The following STOX1 variants were observed in gnomAD, a reference collection of about 807,000 sequenced individuals.
STOX1 encodes the protein storkhead-box protein 1.
In STOX1, 57 loss-of-function variants were observed where a neutral mutation model predicts 74.8. The observed-to-expected ratio is 0.76, with a 90% CI of 0.62 to 0.95. STOX1 has a LOEUF of 0.95. Among genes scored for constraint, STOX1 ranks in the 40% least tolerant of loss-of-function variants. STOX1 has a pLI of 0.00. For synonymous variants in STOX1, 375 were observed against 401.3 expected, an observed-to-expected ratio of 0.93 and a Z score of 0.78; for missense variants, 1,010 against 1,117.0, an observed-to-expected ratio of 0.90 and a Z score of 1.37.
At chr10:68,858,141 G>A (rs553546892) in intron 1 of STOX1, among the ~76,000 whole-genome samples, 88 of 152,148 alleles carry the variant, frequency 5.8e-4, no homozygotes, top group African/African-American at 2.1e-3. Context: ...GATGGACCTC[G>A]CTTGTTCTGC....
At chr10:68,856,496 G>A (rs757257722) in intron 1 of STOX1, among the ~76,000 whole-genome samples, 8 of 152,060 alleles carry the variant, frequency 5.3e-5, no homozygotes, top group South Asian at 2.1e-4. Flanking sequence ...ACGTGGGCAC[G>A]AGGGTGCTAG....
intron 1 of STOX1, among the ~76,000 whole-genome samples, chr10:68,866,076 A>G (rs1384345325): frequency 1.3e-5 from 2 of 152,026 alleles, no homozygotes; most frequent in African/African-American, 4.8e-5. Flanking sequence ...CATTTCATGC[A>G]TCATAGATTG....
At chr10:68,828,554 A>G (rs1179150361) in intron 1 of STOX1, among the ~76,000 whole-genome samples, 1 of 152,226 alleles carries the variant, frequency 6.6e-6, no homozygotes, top group Admixed American at 6.5e-5. Context: ...TGGAGTGCAC[A>G]GAAGGAACTT....
intron 1 of STOX1, among the ~76,000 whole-genome samples, chr10:68,830,771 A>T (rs1839386650): frequency 6.6e-6 from 1 of 152,200 alleles, no homozygotes; most frequent in Non-Finnish European, 1.5e-5. Flanking sequence ...AAAGCCACCC[A>T]TTAGGACATT....
chr10:68,892,853 T>C lies in STOX1; in HGVS notation c.*117T>C. ...TGTCTAAAGGCAAGCATATCTATAC[T>C]ATTAACCACATTACACATTTTGTTC... On this transcript the variant is annotated 3_prime_UTR_variant, in exon 4 of 4. Transcript: ENST00000298596. The C allele has an allele frequency of 8.7e-7, 1 of 1,144,658 alleles. No homozygotes were observed. Among genetic ancestry groups the C allele is most frequent in the East Asian group, 2.5e-5 (1 of 39,286 alleles). The allele number at this position is 1,144,658 out of a possible 1,614,324, so 70.9% of individuals were successfully genotyped here.
rs1280870503 is a variant in STOX1, at chr10:68,886,013, G to T, written c.2217G>T (p.Glu739Asp). 1.9e-6 allele frequency: 3 copies of T among 1,614,068 alleles called. No homozygotes were observed. Among genetic ancestry groups the T allele is most frequent in the East Asian group, 2.2e-5 (1 of 44,902 alleles). ...DGACSSLYLE[E>D]DDISENDDLR... ...CCTGTAGTTCATTATATCTAGAGGA[G>T]GATGACATTTCTGAGAATGACGACT... The change falls in exon 3 of 4, where the codon GAG becomes GAT. Residue 739 changes from glutamate to aspartate, a missense_variant. Coordinates refer to ENST00000298596, the MANE Select transcript of STOX1 (RefSeq NM_152709.5).
At chr10:68,862,953 G>C (rs1345972372) in intron 1 of STOX1, among the ~76,000 whole-genome samples, 3 of 152,076 alleles carry the variant, frequency 2.0e-5, no homozygotes, top group African/African-American at 7.3e-5. Flanking sequence ...TGGTAAGTGT[G>C]GAGACCAGAA....
chr10:68,869,154 C>A (rs183890076), intron 1 of STOX1, among the ~76,000 whole-genome samples: 199 of 152,332 alleles, frequency 1.3e-3, no homozygotes, highest in African/African-American at 4.4e-3. Context: ...GCTTGGGACC[C>A]AGGAATACTG....
downstream of STOX1, among the ~76,000 whole-genome samples, chr10:68,893,458 C>T (rs1028615132): frequency 1.3e-5 from 2 of 152,192 alleles, no homozygotes; most frequent in African/African-American, 4.8e-5. Flanking sequence ...TGCTCTGTTG[C>T]CCAGGCTGGA....
At chr10:68,856,491 G>C (rs1156243211) in intron 1 of STOX1, among the ~76,000 whole-genome samples, 1 of 151,986 alleles carries the variant, frequency 6.6e-6, no homozygotes, top group Non-Finnish European at 1.5e-5. Flanking sequence ...CTCCCACGTG[G>C]GCACGAGGGT....
At position 68,827,711 on chromosome 10, in the gene STOX1, G is replaced by A. The variant is rs1839295625; in HGVS notation, c.88G>A (p.Glu30Lys). Residue 30 changes from glutamate (E) to lysine (K), a missense_variant, in exon 1 of 4, where the codon GAG becomes AAG. Transcript: ENST00000298596. ...EAQKAAGAAE[E>K]PGGRAVFRAF... ...GCAGAAGGCGGCGGGGGCCGCGGAG[G>A]AGCCTGGTGGGCGCGCGGTGTTCCG... The A allele has an allele frequency of 2.2e-6, 2 of 903,160 alleles. No homozygotes were observed. The highest frequency in any genetic ancestry group is 1.0e-4 in the South Asian group (2 of 19,252). 55.9% of individuals were successfully genotyped at this position (903,160 alleles called of 1,614,324 possible). A position where few individuals can be genotyped will look rare whatever the true frequency, so the allele number is the denominator to read the frequency against.
At chr10:68,874,392 A>G (rs1840625894) in intron 1 of STOX1, among the ~76,000 whole-genome samples, 1 of 152,172 alleles carries the variant, frequency 6.6e-6, no homozygotes, top group African/African-American at 2.4e-5. Context: ...TACTGACCCC[A>G]GACTTTTAAA....
intron 3 of STOX1, among the ~76,000 whole-genome samples, chr10:68,889,320 A>G (rs1841043576): frequency 6.6e-6 from 1 of 152,140 alleles, no homozygotes; most frequent in South Asian, 2.1e-4. Context: ...CTTTTGGCTA[A>G]GATCAAGTGT....
intron 1 of STOX1, 51 bp from the exon 2 acceptor site, chr10:68,881,907 T>G: frequency 6.2e-7 from 1 of 1,602,586 alleles, no homozygotes; most frequent in South Asian, 1.1e-5. Context: ...CATTTTATAC[T>G]ATATCAAATT....
At chr10:68,853,225 G>A (rs1467171038) in intron 1 of STOX1, among the ~76,000 whole-genome samples, 3 of 151,972 alleles carry the variant, frequency 2.0e-5, no homozygotes, top group East Asian at 1.9e-4. Flanking sequence ...GTGCCCGGCC[G>A]GTCATTTTGT....
intron 1 of STOX1, among the ~76,000 whole-genome samples, chr10:68,868,590 C>T (rs947660350): frequency 3.9e-5 from 6 of 152,154 alleles, no homozygotes; most frequent in Non-Finnish European, 8.8e-5. Flanking sequence ...CTAGCATAAT[C>T]CCAGCTACTC....
chr10:68,845,224 A>G (rs35332849), intron 1 of STOX1, among the ~76,000 whole-genome samples: 2 of 147,720 alleles, frequency 1.4e-5, no homozygotes, highest in African/African-American at 5.0e-5. Flanking sequence ...CTGCCTCAGC[A>G]CCCCCAAGTA....
At chr10:68,839,846 C>T (rs138175784) in intron 1 of STOX1, among the ~76,000 whole-genome samples, 384 of 152,184 alleles carry the variant, frequency 2.5e-3, no homozygotes, top group African/African-American at 6.7e-3. Context: ...GCCGAGATTG[C>T]GCCACTACAC....
At chr10:68,866,276 T>C (rs1268607296) in intron 1 of STOX1, among the ~76,000 whole-genome samples, 1 of 152,140 alleles carries the variant, frequency 6.6e-6, no homozygotes, top group African/African-American at 2.4e-5. Context: ...CAACTCCAAC[T>C]ATGTTAAATT....
Sources: gnomAD v4.1 joint callset for allele counts (sites outside exome capture counted in the v4.1 genomes callset) on GRCh38, gnomAD v4.1.1 for gene constraint, MANE v1.5 for transcripts, NCBI Gene and HGNC (gene_info 2026-07-23, HGNC 2026-07-21) for gene names.